The following NIN variants were observed in gnomAD, a reference collection of about 807,000 sequenced individuals.
NIN encodes ninein.
In NIN, 137 loss-of-function variants were observed where a neutral mutation model predicts 257.6. That is an observed-to-expected ratio of 0.53 (90% CI 0.46 to 0.61). NIN has a LOEUF of 0.61. NIN is among the 20% of genes least tolerant of loss of function. NIN has a pLI of 0.00. For synonymous variants in NIN, 918 were observed against 919.8 expected, an observed-to-expected ratio of 1.00 and a Z score of 0.04; for missense variants, 2,439 against 2,501.2, an observed-to-expected ratio of 0.98 and a Z score of 0.53.
intron 25 of NIN, among the ~76,000 whole-genome samples, chr14:50,739,852 G>A (rs1056418986): frequency 6.6e-6 from 1 of 152,230 alleles, no homozygotes; most frequent in Admixed American, 6.5e-5. Context: ...TTTAAGCCCA[G>A]AAGATATTCA....
At chr14:50,767,773 C>T (rs554817132) in intron 12 of NIN, among the ~76,000 whole-genome samples, 3 of 149,036 alleles carry the variant, frequency 2.0e-5, no homozygotes, top group East Asian at 2.0e-4. Context: ...GCCGAGATGG[C>T]GCCACTGCAC....
intron 10 of NIN, 101 bp downstream of exon 10, chr14:50,771,231 A>G: frequency 2.1e-6 from 3 of 1,399,250 alleles, no homozygotes; most frequent in Non-Finnish European, 2.9e-6. Context: ...GATGAGCAAC[A>G]TTTGCATACA....
chr14:50,790,375 T>C (rs2043539893), intron 5 of NIN, among the ~76,000 whole-genome samples: 3 of 152,190 alleles, frequency 2.0e-5, no homozygotes, highest in South Asian at 2.1e-4. Flanking sequence ...TTTAAAGAGA[T>C]GAAGTGATTT....
chr14:50,760,952 A>C (rs1334488071), intron 16 of NIN, among the ~76,000 whole-genome samples: 3 of 152,162 alleles, frequency 2.0e-5, no homozygotes, highest in Non-Finnish European at 4.4e-5. Context: ...TACAGGCATG[A>C]GCCACTGTAC....
chr14:50,793,668 C>G (rs2043700003), intron 4 of NIN, among the ~76,000 whole-genome samples: 1 of 152,174 alleles, frequency 6.6e-6, no homozygotes, highest in Admixed American at 6.5e-5. Context: ...GTCTCAGGTT[C>G]AACACTGACC....
chr14:50,831,474 C>G (rs908158422), upstream of NIN, among the ~76,000 whole-genome samples: 3 of 152,216 alleles, frequency 2.0e-5, no homozygotes, highest in Admixed American at 6.5e-5. Flanking sequence ...CGCGGACACT[C>G]GGGCCGCAGC....
rs1349596507 is a variant in NIN, at chr14:50,760,549, A to G, written c.1897-190T>C. ...GATACTTAAGTCAGGCATGGTTTAC[A>G]TATCTCTTTTAAGTGGCTGAATTTT... On this transcript the variant is annotated intron_variant, in intron 16 of 30. Transcript: ENST00000530997. Among the ~76,000 whole-genome samples the G allele has an allele frequency of 4.0e-5, 6 of 150,966 alleles. No homozygotes were observed. In the East Asian group the frequency reaches 7.8e-4, roughly 20 times the overall value.
At chr14:50,770,032 G>A (rs966742310) in intron 12 of NIN, among the ~76,000 whole-genome samples, 8 of 152,144 alleles carry the variant, frequency 5.3e-5, no homozygotes, top group African/African-American at 9.7e-5. Flanking sequence ...TGAGAATGAG[G>A]GGGGCGGGCA....
intron 3 of NIN, among the ~76,000 whole-genome samples, chr14:50,816,531 C>G (rs2044905233): frequency 6.6e-6 from 1 of 152,106 alleles, no homozygotes. Flanking sequence ...TTTGAGGAAA[C>G]TGTGCAGATA....
chr14:50,758,651 G>T, intron 17 of NIN, 21 bp from the exon 18 acceptor site: 1 of 1,525,530 alleles, frequency 6.6e-7, no homozygotes. Flanking sequence ...TCAACATACA[G>T]CATTATTGAA....
chr14:50,723,557 T>C lies in NIN; in HGVS notation c.6308A>G (p.Asn2103Ser), dbSNP rs367638940. The C allele has an allele frequency of 6.2e-7, 1 of 1,613,800 alleles. No homozygotes were observed. The highest frequency in any genetic ancestry group is 8.5e-7 in the Non-Finnish European group (1 of 1,179,880). Residue 2103 changes from asparagine to serine, a missense_variant, in exon 31 of 31, where the codon AAT becomes AGT. By Grantham distance (46) the Asn-to-Ser change is conservative (BLOSUM62 1). This residue lies in a region of NIN where 2,043 missense variants were observed against 2,050.2 expected (regional missense o/e 1.00). Coordinates refer to ENST00000530997, the MANE Select transcript of NIN (RefSeq NM_020921.4). ...GGCAATCTTCTCCTCCAGGAGGTAA[T>C]TTTTCTTCTCTGCTGTTTTCTGTCG... Reference protein sequence around the residue: ...EQRQKTAEKKNYLLEEKIASL... With the variant: ...EQRQKTAEKKSYLLEEKIASL...
chr14:50,771,877 T>A (rs1243469657), intron 9 of NIN: 2 of 182,696 alleles, frequency 1.1e-5, no homozygotes, highest in Non-Finnish European at 2.3e-5. Context: ...CCCAGCTACT[T>A]GGGAGGCAGA....
chr14:50,786,946 T>G (rs765535970), intron 5 of NIN, among the ~76,000 whole-genome samples: 1 of 152,266 alleles, frequency 6.6e-6, no homozygotes, highest in Non-Finnish European at 1.5e-5. Flanking sequence ...TTTCATTTTA[T>G]GTAGGGTAGT....
rs1218350381 is a variant in NIN at position 50,761,861 on chromosome 14, G to T, written c.1825C>A (p.Leu609Met). Reference sequence around the variant, plus strand: ...TGTTCTTTCATCTGTTCAATGACCAGCTCTGCCTCAATGCTCATATTCAAT... The same window carrying T: ...TGTTCTTTCATCTGTTCAATGACCATCTCTGCCTCAATGCTCATATTCAAT... ...NPLNMSIEAE[L>M]VIEQMKEQHH... The change falls in exon 16 of 31, where the codon CTG becomes ATG. Residue 609 changes from leucine to methionine, a missense_variant. Coordinates refer to ENST00000530997, the MANE Select transcript of NIN (RefSeq NM_020921.4). 6.2e-7 allele frequency: 1 copy of T among 1,614,134 alleles called. No homozygotes were observed.
chr14:50,794,946 G>C (rs565662733), intron 4 of NIN, among the ~76,000 whole-genome samples: 7 of 152,236 alleles, frequency 4.6e-5, no homozygotes, highest in Non-Finnish European at 8.8e-5. Context: ...GCAATAAAAG[G>C]TAACAGATTG....
Position 50,772,994 on chromosome 14 carries a change from T to A in NIN, c.768A>T (p.Ser256=). Residue 256 remains serine, a synonymous_variant, in exon 8 of 31, where the codon TCA becomes TCT. Transcript: ENST00000530997. ...LFKNGKSLTP[S]ASTPYRQLKR... is the part of the protein sequence containing the mutation. ...TTAGTTGTCTATATGGAGTAGATGC[T>A]GATGGTGTAAGAGATTTTCCATTTT... is the stretch of plus-strand genomic sequence containing the variant. The A allele has an allele frequency of 6.2e-7, 1 of 1,613,520 alleles. No homozygotes were observed. The highest frequency in any genetic ancestry group is 8.5e-7 in the Non-Finnish European group (1 of 1,179,514).
intron 3 of NIN, among the ~76,000 whole-genome samples, chr14:50,815,347 C>T (rs2044841652): frequency 1.3e-5 from 2 of 152,308 alleles, no homozygotes; most frequent in South Asian, 4.1e-4. Context: ...GAGATGCCAC[C>T]TCATGCCAGT....
intron 28 of NIN, chr14:50,730,993 G>C (rs1308494101): frequency 7.7e-7 from 1 of 1,297,506 alleles, no homozygotes; most frequent in African/African-American, 1.5e-5. Flanking sequence ...TCTAGGTACA[G>C]GTTAGCCACA....
At chr14:50,747,495 G>T (rs2041599408) in intron 22 of NIN, among the ~76,000 whole-genome samples, 1 of 152,130 alleles carries the variant, frequency 6.6e-6, no homozygotes, top group African/African-American at 2.4e-5. Flanking sequence ...GCACTTTAGG[G>T]GGCTGACGTG....
Sources: allele counts gnomAD v4.1 joint callset (sites outside exome capture counted in the v4.1 genomes callset), GRCh38; gene constraint gnomAD v4.1.1; regional missense constraint gnomAD v4.1.1; transcripts MANE v1.5; gene names NCBI Gene and HGNC (gene_info 2026-07-23, HGNC 2026-07-21).